Variants in NFIA observed in about 807,000 individuals in gnomAD.
NFIA encodes nuclear factor I A.
NFIA carries 8 observed loss-of-function variants against 62.8 expected under a neutral mutation model. The ratio of observed to expected loss-of-function variants is 0.13; its 90% CI spans 0.07 to 0.23. The LOEUF (loss-of-function observed/expected upper bound fraction) is 0.23, where lower values mean the gene tolerates loss of function less well. Ranked by LOEUF, NFIA falls within the 10% of genes least tolerant of loss-of-function variation. The pLI is 1.00. For missense variants in NFIA, 410 were observed against 642.1 expected (o/e 0.64, Z 3.91); for synonymous variants, 235 against 238.1 (o/e 0.99, Z 0.12).
upstream of NFIA, among the ~76,000 whole-genome samples, chr1:61,079,503 A>G (rs929133976): frequency 1.3e-5 from 2 of 152,222 alleles, no homozygotes; most frequent in Non-Finnish European, 2.9e-5. Context: ...GCCAGGAAGA[A>G]TATGGATAGC....
chr1:61,201,046 A>G (rs551756109), intron 2 of NFIA, among the ~76,000 whole-genome samples: 2 of 152,294 alleles, frequency 1.3e-5, no homozygotes, highest in African/African-American at 2.4e-5. Context: ...GACTCCCTCT[A>G]CGTTTTATTT....
In NFIA at chr1:61,149,064, T is replaced by C. The variant is rs1471807218; in HGVS notation, c.559+60384T>C. Among the ~76,000 whole-genome samples the C allele has an allele frequency of 5.3e-5, 8 of 150,644 alleles. No homozygotes were observed. In the East Asian group the frequency reaches 7.7e-4, roughly 15 times the overall value. ...TTTTCTTTTTCTTTCTTTCTTTTTT[T>C]TTTTTTTTTTGGATGAGATATGGGT... On this transcript the variant is annotated intron_variant, in intron 2 of 10. Transcript: ENST00000403491.
chr1:61,176,332 G>A (rs570190559), intron 2 of NFIA, among the ~76,000 whole-genome samples: 1 of 152,130 alleles, frequency 6.6e-6, no homozygotes, highest in Non-Finnish European at 1.5e-5. Context: ...AAGTTGGGGC[G>A]TAAACGTAGT....
intron 2 of NFIA, among the ~76,000 whole-genome samples, chr1:61,210,417 T>C (rs1228401335): frequency 6.6e-6 from 1 of 152,204 alleles, no homozygotes; most frequent in Non-Finnish European, 1.5e-5. Context: ...CCCCAGAACA[T>C]TTCTCCTAAG....
At chr1:61,241,342 T>A (rs1351577696) in intron 2 of NFIA, among the ~76,000 whole-genome samples, 1 of 152,190 alleles carries the variant, frequency 6.6e-6, no homozygotes, top group Non-Finnish European at 1.5e-5. Flanking sequence ...ATTTTTAAGC[T>A]GCTTTCGTGC....
At chr1:61,421,593 T>G (rs1020430731) in intron 9 of NFIA, among the ~76,000 whole-genome samples, 5 of 152,102 alleles carry the variant, frequency 3.3e-5, no homozygotes, top group Non-Finnish European at 7.4e-5. Context: ...ACCTCAAAGC[T>G]CACCCTGCCG....
At chr1:61,313,007 A>G (rs541927185) in intron 3 of NFIA, among the ~76,000 whole-genome samples, 2 of 152,310 alleles carry the variant, frequency 1.3e-5, no homozygotes, top group East Asian at 1.9e-4. Context: ...CCTTGCACAT[A>G]TGAACAGAAA....
intron 3 of NFIA, among the ~76,000 whole-genome samples, chr1:61,312,454 A>G (rs576909627): frequency 5.9e-5 from 9 of 152,248 alleles, no homozygotes; most frequent in Admixed American, 3.3e-4. Flanking sequence ...GTGACATTCT[A>G]TAATTCACTG....
chr1:61,197,231 G>C (rs1652083317), intron 2 of NFIA, among the ~76,000 whole-genome samples: 2 of 126,172 alleles, frequency 1.6e-5, no homozygotes, highest in African/African-American at 6.3e-5. Flanking sequence ...TACTACTCTG[G>C]TTCTTTTTTT....
chr1:61,458,006 A>T lies in NFIA; in HGVS notation c.*2686A>T, dbSNP rs1468764972. 2.0e-5 allele frequency: 3 copies of T among 152,272 alleles called. No individual in the cohort carries two copies. Among genetic ancestry groups the T allele is most frequent in the South Asian group, 2.1e-4 (1 of 4,828 alleles). The allele number at this position is 152,272 out of a possible 1,614,324, so 9.4% of individuals were successfully genotyped here. ...ACTGGTTATCTCTATTTAAGGAAAA[A>T]AAAATAAAATAAAACATTTTGGATT... On this transcript the variant is annotated 3_prime_UTR_variant, in exon 11 of 11. Coordinates refer to ENST00000403491, the MANE Select transcript of NFIA (RefSeq NM_001134673.4).
intron 3 of NFIA, among the ~76,000 whole-genome samples, chr1:61,305,667 G>A (rs375163465): frequency 2.7e-4 from 41 of 152,268 alleles, no homozygotes; most frequent in African/African-American, 8.2e-4. Context: ...CAGAAGGGAA[G>A]ACCATCCTGT....
intron 6 of NFIA, among the ~76,000 whole-genome samples, chr1:61,362,418 C>G (rs141664602): frequency 0.021 from 3,258 of 152,262 alleles, 55 homozygotes; most frequent in Non-Finnish European, 0.03. Context: ...GAAGCAAGGC[C>G]TGTACCTGCT....
chr1:61,328,872 G>A (rs937514016), intron 3 of NFIA, among the ~76,000 whole-genome samples: 1 of 150,692 alleles, frequency 6.6e-6, no homozygotes, highest in African/African-American at 2.4e-5. Flanking sequence ...ACAGGTACAC[G>A]TCACTACAGC....
At chr1:61,081,615 T>C (rs532722264), upstream of NFIA, among the ~76,000 whole-genome samples, 1 of 152,328 alleles carries the variant, frequency 6.6e-6, no homozygotes, top group East Asian at 1.9e-4. Flanking sequence ...ATAGAACTTT[T>C]TCTATGGCGT....
chr1:61,395,878 A>G (rs756184458), intron 7 of NFIA, among the ~76,000 whole-genome samples: 19 of 152,396 alleles, frequency 1.2e-4, no homozygotes, highest in Non-Finnish European at 2.1e-4. Flanking sequence ...GAGTCTAGAT[A>G]TACTGTACAA....
intron 2 of NFIA, among the ~76,000 whole-genome samples, chr1:61,123,537 A>G (rs188471211): frequency 1.3e-5 from 2 of 152,340 alleles, no homozygotes; most frequent in Non-Finnish European, 1.5e-5. Flanking sequence ...TTTCAGTGAA[A>G]TGACATAAGT....
At chr1:61,082,052 G>C (rs992223479), upstream of NFIA, 3 of 1,546,934 alleles carry the variant, frequency 1.9e-6, no homozygotes, top group Non-Finnish European at 2.6e-6. Flanking sequence ...ACCGAGGTCC[G>C]CGGAGGTCTG....
chr1:61,427,551 A>G (rs1666924324), intron 10 of NFIA, among the ~76,000 whole-genome samples: 2 of 152,308 alleles, frequency 1.3e-5, no homozygotes, highest in African/African-American at 2.4e-5. Context: ...TTGTAAAACT[A>G]TGGCCAGGTG....
chr1:61,292,216 C>T lies in NFIA; in HGVS notation c.625+14631C>T, dbSNP rs369889997. Among the ~76,000 whole-genome samples, 112 of 152,134 alleles carry T rather than the reference C, an allele frequency of 7.4e-4. 1 individual carries two copies. Among genetic ancestry groups the T allele is most frequent in the African/African-American group, 2.6e-3 (107 of 41,506 alleles). ...AAGCTCCAGTGATTTCTTTGGACAC[C>T]GCAAATTTGTGTTTTAAGGAGACCA... On this transcript the variant is annotated intron_variant, in intron 3 of 10. Transcript: ENST00000403491.
Sources: allele counts gnomAD v4.1 joint callset (sites outside exome capture counted in the v4.1 genomes callset), GRCh38; gene constraint gnomAD v4.1.1; transcripts MANE v1.5; gene names NCBI Gene and HGNC (gene_info 2026-07-23, HGNC 2026-07-21).